MIS18A: variants seen among roughly 807,000 people sequenced by gnomAD.
The protein encoded by MIS18A is MIS18 kinetochore protein A, also known as protein Mis18-alpha.
In MIS18A, 14 loss-of-function variants were observed where a neutral mutation model predicts 25.0. That is an observed-to-expected ratio of 0.56 (90% CI 0.37 to 0.88). The LOEUF (loss-of-function observed/expected upper bound fraction) is 0.88. Ranked by LOEUF, MIS18A falls within the 40% of genes least tolerant of loss-of-function variation. MIS18A has a pLI of 0.00. For synonymous variants in MIS18A, 134 were observed against 118.6 expected (o/e 1.13, Z -0.84); for missense variants, 292 against 290.8 (o/e 1.00, Z -0.03).
chr21:32,155,304 C>T, the MIS18A span, among the ~76,000 whole-genome samples: 5 of 151,914 alleles, frequency 3.3e-5, no homozygotes, highest in Admixed American at 2.6e-4. Flanking sequence ...TTTTATCCCT[C>T]GAAACTGGCC....
chr21:32,158,252 C>A, the MIS18A span, among the ~76,000 whole-genome samples: 2 of 152,014 alleles, frequency 1.3e-5, no homozygotes, highest in African/African-American at 2.4e-5. Flanking sequence ...AAGGAGAGAG[C>A]CATCATTCAA....
At chr21:32,161,457 C>T in the MIS18A span, among the ~76,000 whole-genome samples, 2 of 151,298 alleles carry the variant, frequency 1.3e-5, no homozygotes. Context: ...CAACACAGGG[C>T]TGCATTTGGA....
the MIS18A span, among the ~76,000 whole-genome samples, chr21:32,178,174 T>C: frequency 0.59 from 89,853 of 151,634 alleles, 27,406 homozygotes; most frequent in African/African-American, 0.74. Context: ...CACATCTCCG[T>C]CTCTCAGAGT....
At chr21:32,265,155 G>A (rs545519540), downstream of MIS18A, among the ~76,000 whole-genome samples, 10 of 152,320 alleles carry the variant, frequency 6.6e-5, no homozygotes, top group African/African-American at 2.2e-4. Context: ...CTGCTGAGAG[G>A]TGACAGCGTG....
At chr21:32,165,297 C>G in the MIS18A span, among the ~76,000 whole-genome samples, 2 of 152,126 alleles carry the variant, frequency 1.3e-5, no homozygotes, top group South Asian at 2.1e-4. Context: ...GCACTCCAAC[C>G]TGGGCAACAA....
At chr21:32,227,698 C>T in the MIS18A span, among the ~76,000 whole-genome samples, 62 of 152,300 alleles carry the variant, frequency 4.1e-4, no homozygotes, top group East Asian at 7.9e-3. Context: ...TTTCCCAACT[C>T]ATTCTATGAA....
At chr21:32,216,822 G>T in the MIS18A span, among the ~76,000 whole-genome samples, 2 of 152,280 alleles carry the variant, frequency 1.3e-5, no homozygotes, top group East Asian at 3.9e-4. Context: ...CAAAAATTGG[G>T]AGACTTATTG....
At chr21:32,276,871 C>T (rs2031821705) in intron 1 of MIS18A, among the ~76,000 whole-genome samples, 1 of 152,048 alleles carries the variant, frequency 6.6e-6, no homozygotes, top group Admixed American at 6.5e-5. Context: ...AGGTTACATA[C>T]AGTGAGCTAT....
chr21:32,252,280 GGAA>G, the MIS18A span, among the ~76,000 whole-genome samples: 94 of 137,460 alleles, frequency 6.8e-4, no homozygotes, highest in African/African-American at 2.7e-3. Flanking sequence ...AGGAGGAGGA[GGAA>G]GAGAGAAGAG....
the MIS18A span, among the ~76,000 whole-genome samples, chr21:32,178,225 C>T: frequency 1.3e-5 from 2 of 151,926 alleles, no homozygotes; most frequent in Admixed American, 1.3e-4. Context: ...TCATTTCCAG[C>T]AATTTTTTTT....
the MIS18A span, among the ~76,000 whole-genome samples, chr21:32,202,706 T>TA: frequency 5.3e-5 from 8 of 152,234 alleles, no homozygotes; most frequent in Admixed American, 5.2e-4. Flanking sequence ...CTGGAGACTT[T>TA]ACCTAAGTGA....
At chr21:32,258,408 G>T in the MIS18A span, among the ~76,000 whole-genome samples, 1 of 152,092 alleles carries the variant, frequency 6.6e-6, no homozygotes, top group African/African-American at 2.4e-5. Flanking sequence ...AGGAGTGAAG[G>T]GATAAAGTCA....
chr21:32,222,138 C>T, the MIS18A span, among the ~76,000 whole-genome samples: 1 of 151,748 alleles, frequency 6.6e-6, no homozygotes, highest in Non-Finnish European at 1.5e-5. Context: ...GCAGGGGTTG[C>T]AATCCTAGTC....
chr21:32,260,084 C>CTTTTTTTTTTTTTTTTTTTTTTTTT, the MIS18A span: 242 of 116,792 alleles, frequency 2.1e-3, 7 homozygotes, highest in Middle Eastern at 4.0e-3. Flanking sequence ...TTTTTCTCAG[C>CTTTTTTTTTTTTTTTTTTTTTTTTT]TTTTTTTTTT....
the MIS18A span, among the ~76,000 whole-genome samples, chr21:32,205,936 C>A: frequency 1.3e-5 from 2 of 151,744 alleles, no homozygotes; most frequent in Non-Finnish European, 2.9e-5. Flanking sequence ...AGACCCCCCC[C>A]ATTCCAGTCG....
the MIS18A span, among the ~76,000 whole-genome samples, chr21:32,252,242 G>A: frequency 8.3e-3 from 310 of 37,440 alleles, no homozygotes; most frequent in Non-Finnish European, 0.014. Context: ...GAAGAAGAAG[G>A]AGGAGGAGGA....
the MIS18A span, among the ~76,000 whole-genome samples, chr21:32,160,285 A>AACAC: frequency 0.021 from 2,996 of 145,626 alleles, 39 homozygotes; most frequent in Middle Eastern, 0.054. Context: ...ACACCTCTGC[A>AACAC]ACACACACAC....
At position 32,278,852 on chromosome 21, in the gene MIS18A, T is replaced by C. The variant is rs1214370691; in HGVS notation, c.163A>G (p.Met55Val). Residue 55 changes from methionine (M) to valine (V), a missense_variant, in exon 1 of 5, where the codon ATG becomes GTG. Coordinates refer to ENST00000290130, the MANE Select transcript of MIS18A (RefSeq NM_018944.3). ...LQKWASMWSSMSEDASVADME... is the reference protein window; with the variant it reads ...LQKWASMWSSVSEDASVADME... Reference sequence around the variant, plus strand: ...TCGGCCACCGACGCGTCTTCGCTCATGGAGCTCCACATGCTCGCCCACTTC... The same window carrying C: ...TCGGCCACCGACGCGTCTTCGCTCACGGAGCTCCACATGCTCGCCCACTTC... The C allele has an allele frequency of 1.9e-6, 3 of 1,611,874 alleles. No homozygotes were observed. Among genetic ancestry groups the C allele is most frequent in the Non-Finnish European group, 2.5e-6 (3 of 1,179,486 alleles).
At chr21:32,191,608 A>C in the MIS18A span, among the ~76,000 whole-genome samples, 15 of 152,044 alleles carry the variant, frequency 9.9e-5, 1 homozygote, top group South Asian at 2.9e-3. Context: ...AAAAACAAAA[A>C]CAAAAACAAA....
Sources: gnomAD v4.1 joint callset for allele counts (sites outside exome capture counted in the v4.1 genomes callset) on GRCh38, gnomAD v4.1.1 for gene constraint, MANE v1.5 for transcripts, NCBI Gene and HGNC (gene_info 2026-07-23, HGNC 2026-07-21) for gene names.